HS3ST4: variants seen among roughly 807,000 people sequenced by gnomAD.
HS3ST4 encodes the protein heparan sulfate-glucosamine 3-sulfotransferase 4, also known as heparan sulfate glucosamine 3-O-sulfotransferase 4.
Under a neutral mutation model 29.2 loss-of-function variants are expected in HS3ST4, and 17 were observed. The ratio of observed to expected loss-of-function variants is 0.58; its 90% CI spans 0.40 to 0.87. The LOEUF (loss-of-function observed/expected upper bound fraction) is 0.87, where lower values mean the gene tolerates loss of function less well. Among genes scored for constraint, HS3ST4 ranks in the 40% least tolerant of loss-of-function variants. HS3ST4 has a pLI of 0.00. For synonymous variants in HS3ST4, 314 were observed against 285.7 expected (o/e 1.10, Z -1.00); for missense variants, 627 against 634.5 (o/e 0.99, Z 0.13).
intron 1 of HS3ST4, among the ~76,000 whole-genome samples, chr16:26,119,093 G>C (rs562640530): frequency 6.6e-6 from 1 of 152,282 alleles, no homozygotes; most frequent in African/African-American, 2.4e-5. Flanking sequence ...TAAAGCACAG[G>C]GAGGTTAAGT....
At chr16:25,768,836 T>C (rs1169514213) in intron 1 of HS3ST4, among the ~76,000 whole-genome samples, 2 of 152,120 alleles carry the variant, frequency 1.3e-5, no homozygotes, top group African/African-American at 4.8e-5. Flanking sequence ...AAATCTGGAT[T>C]TCTGGCTTCT....
At chr16:25,898,376 A>G (rs1287253407) in intron 1 of HS3ST4, among the ~76,000 whole-genome samples, 1 of 152,068 alleles carries the variant, frequency 6.6e-6, no homozygotes, top group Non-Finnish European at 1.5e-5. Flanking sequence ...CAATCTGATC[A>G]TTTTCCTCCC....
intron 1 of HS3ST4, among the ~76,000 whole-genome samples, chr16:25,694,144 T>C (rs563702054): frequency 6.6e-6 from 1 of 152,316 alleles, no homozygotes; most frequent in East Asian, 1.9e-4. Flanking sequence ...ATTTCGGTAA[T>C]TAATTGCAAA....
intron 1 of HS3ST4, among the ~76,000 whole-genome samples, chr16:26,054,520 C>T (rs1032190162): frequency 6.6e-6 from 1 of 152,148 alleles, no homozygotes; most frequent in Non-Finnish European, 1.5e-5. Context: ...GTGTCAGAAC[C>T]AGTGGCCAGC....
chr16:25,766,595 A>G (rs941812659), intron 1 of HS3ST4, among the ~76,000 whole-genome samples: 2 of 152,218 alleles, frequency 1.3e-5, no homozygotes, highest in Non-Finnish European at 2.9e-5. Flanking sequence ...ATCTGTGTGC[A>G]CACACATCAT....
At chr16:26,052,201 T>C (rs1221185830) in intron 1 of HS3ST4, among the ~76,000 whole-genome samples, 1 of 152,038 alleles carries the variant, frequency 6.6e-6, no homozygotes, top group Non-Finnish European at 1.5e-5. Flanking sequence ...TTGCTGCATG[T>C]CCCCACTCAG....
chr16:26,085,914 A>G lies in HS3ST4; in HGVS notation c.735-49698A>G, dbSNP rs192811128. Among the ~76,000 whole-genome samples the G allele has an allele frequency of 9.0e-5, 13 of 143,668 alleles. No homozygotes were observed. The East Asian group carries it at 2.2e-3, about 25-fold the overall frequency. The allele number at this position is 143,668 out of a possible 152,430, so 94.3% of individuals were successfully genotyped here. A position where few individuals can be genotyped will look rare whatever the true frequency, so the allele number is the denominator to read the frequency against. On this transcript the variant is annotated intron_variant, in intron 1 of 1. Coordinates refer to ENST00000331351, the MANE Select transcript of HS3ST4 (RefSeq NM_006040.3). ...TAATAATAATAATAATAATAATAAC[A>G]ATAATAATAAAATAAACTTAGCCCA...
At chr16:26,056,479 C>A (rs1898409567) in intron 1 of HS3ST4, among the ~76,000 whole-genome samples, 1 of 152,168 alleles carries the variant, frequency 6.6e-6, no homozygotes, top group Non-Finnish European at 1.5e-5. Flanking sequence ...TGTGCTCCAC[C>A]AACCCACAGT....
chr16:25,925,778 G>C (rs1484031361), intron 1 of HS3ST4, among the ~76,000 whole-genome samples: 1 of 152,180 alleles, frequency 6.6e-6, no homozygotes, highest in Non-Finnish European at 1.5e-5. Context: ...CAATGTTGCT[G>C]AGGGTGGGGT....
At chr16:26,100,717 C>T (rs568636832) in intron 1 of HS3ST4, among the ~76,000 whole-genome samples, 235 of 152,270 alleles carry the variant, frequency 1.5e-3, no homozygotes, top group Middle Eastern at 6.8e-3. Context: ...CAACCAAACC[C>T]GAGTCATTAA....
At chr16:26,064,807 A>G (rs1315494688) in intron 1 of HS3ST4, among the ~76,000 whole-genome samples, 1 of 151,766 alleles carries the variant, frequency 6.6e-6, no homozygotes, top group Non-Finnish European at 1.5e-5. Context: ...CTTGGAGACG[A>G]GGTTTCCCCA....
intron 1 of HS3ST4, among the ~76,000 whole-genome samples, chr16:25,732,700 A>G (rs1289870534): frequency 6.6e-6 from 1 of 152,238 alleles, no homozygotes; most frequent in Non-Finnish European, 1.5e-5. Context: ...ATAAAAAAGC[A>G]TTCCATAACT....
At chr16:26,015,951 G>A (rs536585546) in intron 1 of HS3ST4, among the ~76,000 whole-genome samples, 1 of 152,268 alleles carries the variant, frequency 6.6e-6, no homozygotes, top group Admixed American at 6.5e-5. Context: ...GGGGTGGGGT[G>A]TGCTACTGAA....
At chr16:25,733,547 C>T (rs1282924156) in intron 1 of HS3ST4, among the ~76,000 whole-genome samples, 1 of 152,148 alleles carries the variant, frequency 6.6e-6, no homozygotes, top group Non-Finnish European at 1.5e-5. Flanking sequence ...AAACCCAGTA[C>T]AGGTTGCAGG....
At chr16:26,039,713 A>T (rs886772376) in intron 1 of HS3ST4, among the ~76,000 whole-genome samples, 12 of 151,972 alleles carry the variant, frequency 7.9e-5, no homozygotes, top group African/African-American at 2.9e-4. Context: ...CTCATTAAGC[A>T]TCTCCACCTC....
chr16:25,859,891 G>T (rs549552688), intron 1 of HS3ST4, among the ~76,000 whole-genome samples: 1 of 152,140 alleles, frequency 6.6e-6, no homozygotes, highest in African/African-American at 2.4e-5. Context: ...GGCCTGTTAG[G>T]ATCCAGCCGC....
At chr16:25,924,305 C>T (rs963083878) in intron 1 of HS3ST4, among the ~76,000 whole-genome samples, 4 of 152,054 alleles carry the variant, frequency 2.6e-5, no homozygotes, top group Non-Finnish European at 2.9e-5. Flanking sequence ...CTACTGATAC[C>T]ACTCTAGCTA....
chr16:25,778,137 A>AATAT (rs34878441), intron 1 of HS3ST4, among the ~76,000 whole-genome samples: 10 of 151,538 alleles, frequency 6.6e-5, no homozygotes, highest in East Asian at 5.8e-4. Flanking sequence ...TACATACTAA[A>AATAT]ATATATATAT....
At chr16:25,711,470 C>T (rs1966414802) in intron 1 of HS3ST4, among the ~76,000 whole-genome samples, 1 of 152,154 alleles carries the variant, frequency 6.6e-6, no homozygotes, top group Non-Finnish European at 1.5e-5. Context: ...ATGCTGCTGA[C>T]CCTGCTGCTG....
Sources: allele counts gnomAD v4.1 joint callset (sites outside exome capture counted in the v4.1 genomes callset), GRCh38; gene constraint gnomAD v4.1.1; transcripts MANE v1.5; gene names NCBI Gene and HGNC (gene_info 2026-07-23, HGNC 2026-07-21).